ATG14: variants seen among roughly 807,000 people sequenced by gnomAD.
ATG14 encodes autophagy related 14.
Under a neutral mutation model 60.4 loss-of-function variants are expected in ATG14, and 35 were observed. That is an observed-to-expected ratio of 0.58 (90% CI 0.44 to 0.77). ATG14 has a LOEUF of 0.77. ATG14 is among the 30% of genes least tolerant of loss of function. The pLI is 0.00. For missense variants in ATG14, 647 were observed against 626.3 expected, an observed-to-expected ratio of 1.03 and a Z score of -0.35; for synonymous variants, 234 against 228.8, an observed-to-expected ratio of 1.02 and a Z score of -0.21.
chr14:55,399,490 ATCAG>A (rs1471657429), intron 1 of ATG14, among the ~76,000 whole-genome samples: 3 of 152,198 alleles, frequency 2.0e-5, no homozygotes, highest in African/African-American at 2.4e-5. Flanking sequence ...CCATAGATTC[ATCAG>A]TCAGTCTATC....
chr14:55,385,061 C>T (rs879809400), intron 5 of ATG14, among the ~76,000 whole-genome samples: 13 of 152,338 alleles, frequency 8.5e-5, no homozygotes, highest in Admixed American at 7.8e-4. Context: ...TAACAGTTAT[C>T]TTAGCAGCGG....
At chr14:55,391,471 T>TAAAAAAAAAAAAAAAA (rs746307684) in intron 3 of ATG14, among the ~76,000 whole-genome samples, 1 of 75,790 alleles carries the variant, frequency 1.3e-5, no homozygotes, top group Non-Finnish European at 3.0e-5. Flanking sequence ...TGAGACTCCA[T>TAAAAAAAAAAAAAAAA]AAAAAAAAAA....
chr14:55,369,489 G>GACAAA lies in ATG14; in HGVS notation c.*125_*129dup. On this transcript the variant is annotated 3_prime_UTR_variant, in exon 10 of 10. Coordinates refer to ENST00000247178, the MANE Select transcript of ATG14 (RefSeq NM_014924.5). ...AAATGTTTGTCTCCCTGCTTAAAAA[G>GACAAA]ACAAAACAAAACAACACTTTAACCT... 1.1e-6 allele frequency: 1 copy of GACAAA among 944,872 alleles called. No homozygotes were observed. The highest frequency in any genetic ancestry group is 2.6e-5 in the East Asian group (1 of 38,534). The allele number at this position is 944,872 out of a possible 1,614,324, so 58.5% of individuals were successfully genotyped here.
At chr14:55,383,669 C>A (rs1024429361) in intron 5 of ATG14, among the ~76,000 whole-genome samples, 2 of 151,760 alleles carry the variant, frequency 1.3e-5, no homozygotes, top group Non-Finnish European at 2.9e-5. Flanking sequence ...TTTGGAAGGT[C>A]AAGGCAGGTG....
intron 1 of ATG14, among the ~76,000 whole-genome samples, chr14:55,403,773 C>T (rs1311572786): frequency 6.6e-6 from 1 of 152,122 alleles, no homozygotes; most frequent in Non-Finnish European, 1.5e-5. Flanking sequence ...GACTGTGCAT[C>T]ATCTATAATA....
At chr14:55,402,927 ATATATATATATATATATAT>A (rs1219820481) in intron 1 of ATG14, among the ~76,000 whole-genome samples, 2 of 8,920 alleles carry the variant, frequency 2.2e-4, no homozygotes, top group African/African-American at 6.6e-4. Context: ...AAAAAAAAAA[ATATATATATATATATATAT>A]ATATATATAT....
At chr14:55,385,774 G>T in intron 5 of ATG14, 85 bp downstream of exon 5, 4 of 1,152,878 alleles carry the variant, frequency 3.5e-6, no homozygotes, top group South Asian at 1.5e-5. Context: ...CCTAGAATAA[G>T]ACCCAATAAA....
chr14:55,396,558 C>G (rs1167020478), intron 2 of ATG14, among the ~76,000 whole-genome samples: 1 of 152,152 alleles, frequency 6.6e-6, no homozygotes, highest in Non-Finnish European at 1.5e-5. Context: ...GTGGCCTGAG[C>G]ATTAACTGTT....
intron 3 of ATG14, chr14:55,394,937 T>C (rs1354193957): frequency 7.8e-6 from 3 of 386,592 alleles, no homozygotes; most frequent in African/African-American, 6.3e-5. Flanking sequence ...AACCAGAGAA[T>C]GATTTCACCT....
At chr14:55,402,452 GA>G (rs528818989) in intron 1 of ATG14, among the ~76,000 whole-genome samples, 17 of 152,126 alleles carry the variant, frequency 1.1e-4, no homozygotes, top group Non-Finnish European at 2.4e-4. Flanking sequence ...CAGAGATGAG[GA>G]AAGATTCATG....
chr14:55,391,111 TTA>T, intron 3 of ATG14, 119 bp from the exon 4 acceptor site: 3 of 650,416 alleles, frequency 4.6e-6, no homozygotes, highest in Non-Finnish European at 7.8e-6. Context: ...GAAAAAGACC[TTA>T]TGTTATAGCT....
chr14:55,384,216 A>G (rs1337575270), intron 5 of ATG14, among the ~76,000 whole-genome samples: 1 of 152,196 alleles, frequency 6.6e-6, no homozygotes, highest in Non-Finnish European at 1.5e-5. Flanking sequence ...AAAGATTAAA[A>G]CAGCACAGAA....
Position 55,411,809 on chromosome 14 carries a change from C to T in ATG14, c.14G>A (p.Ser5Asn), listed in dbSNP as rs201598861. 6.3e-7 allele frequency: 1 copy of T among 1,595,282 alleles called. No individual in the cohort carries two copies. Among genetic ancestry groups the T allele is most frequent in the Non-Finnish European group, 8.5e-7 (1 of 1,171,666 alleles). ...CTCCAGCGCCCGGGCTCCCTTCCCA[C>T]TGGGAGACGCCATGATGGCCTGAGA... MASP[S>N]GKGARALEAP... Residue 5 changes from serine to asparagine, a missense_variant, in exon 1 of 10, where the codon AGT becomes AAT. Transcript: ENST00000247178.
intron 4 of ATG14, among the ~76,000 whole-genome samples, chr14:55,387,099 G>T (rs1000865011): frequency 6.6e-6 from 1 of 151,854 alleles, no homozygotes; most frequent in African/African-American, 2.4e-5. Context: ...TCTCCAACAC[G>T]GCTCGACTCC....
Position 55,368,617 on chromosome 14 carries a change from C to CA in ATG14, c.*1001dup, listed in dbSNP as rs1260896579. ...GCATTTCTGAGCAAAGCTGTGTCCT[C>CA]AGAGCAACAAAGAGTTCGGGGAAAC... On this transcript the variant is annotated 3_prime_UTR_variant, in exon 10 of 10. Transcript: ENST00000247178. The CA allele has an allele frequency of 6.6e-6, 1 of 152,204 alleles. No homozygotes were observed. Among genetic ancestry groups the CA allele is most frequent in the Middle Eastern group, 3.2e-3 (1 of 316 alleles). 9.4% of individuals were successfully genotyped at this position (152,204 alleles called of 1,614,324 possible). A position where few individuals can be genotyped will look rare whatever the true frequency, so the allele number is the denominator to read the frequency against.
At chr14:55,385,369 T>C (rs891540900) in intron 5 of ATG14, among the ~76,000 whole-genome samples, 2 of 152,210 alleles carry the variant, frequency 1.3e-5, no homozygotes, top group Non-Finnish European at 2.9e-5. Flanking sequence ...CTTGGCTCAC[T>C]GCGACCTCGG....
chr14:55,404,775 G>A (rs1047280262), intron 1 of ATG14, among the ~76,000 whole-genome samples: 6 of 152,000 alleles, frequency 3.9e-5, no homozygotes, highest in African/African-American at 7.3e-5. Context: ...TTTCTTTTCC[G>A]ATACTGTTAT....
chr14:55,384,768 C>T (rs1364867837), intron 5 of ATG14, among the ~76,000 whole-genome samples: 1 of 152,184 alleles, frequency 6.6e-6, no homozygotes, highest in African/African-American at 2.4e-5. Flanking sequence ...GTGAGAGCAG[C>T]CAGAAGAGAC....
chr14:55,380,406 C>T (rs1329544505), intron 7 of ATG14, among the ~76,000 whole-genome samples, 167 bp downstream of exon 7: 6 of 152,120 alleles, frequency 3.9e-5, no homozygotes, highest in Non-Finnish European at 5.9e-5. Flanking sequence ...GATAATGAAA[C>T]GAATCTGCAC....
Sources: allele counts gnomAD v4.1 joint callset (sites outside exome capture counted in the v4.1 genomes callset), GRCh38; gene constraint gnomAD v4.1.1; transcripts MANE v1.5; gene names NCBI Gene and HGNC (gene_info 2026-07-23, HGNC 2026-07-21).